The following LRP1B variants were observed in gnomAD, a reference collection of about 807,000 sequenced individuals.
LRP1B encodes the protein LDL receptor related protein 1B.
In LRP1B, 217 loss-of-function variants were observed where a neutral mutation model predicts 556.6. The ratio of observed to expected loss-of-function variants is 0.39; its 90% CI spans 0.35 to 0.44. The LOEUF (loss-of-function observed/expected upper bound fraction) is 0.44. Among genes scored for constraint, LRP1B ranks in the 20% least tolerant of loss-of-function variants. The pLI, the probability that LRP1B is intolerant of heterozygous loss-of-function variation, is 1.00. For missense variants in LRP1B, 5,053 were observed against 5,620.8 expected (o/e 0.90, Z 3.23); for synonymous variants, 2,047 against 1,865.8 (o/e 1.10, Z -2.50).
intron 1 of LRP1B, among the ~76,000 whole-genome samples, chr2:142,001,721 TA>T (rs1238719316): frequency 3.3e-5 from 5 of 152,232 alleles, no homozygotes; most frequent in African/African-American, 1.2e-4. Context: ...TGGTTTCCTA[TA>T]CTGCAGGCGT....
chr2:140,254,357 A>G (rs753527921), intron 86 of LRP1B, among the ~76,000 whole-genome samples: 2 of 152,152 alleles, frequency 1.3e-5, no homozygotes, highest in Non-Finnish European at 2.9e-5. Context: ...TTCTCTGAAA[A>G]TATTCAATTC....
chr2:140,537,614 G>A (rs207462477), intron 45 of LRP1B, among the ~76,000 whole-genome samples: 2 of 152,216 alleles, frequency 1.3e-5, no homozygotes, highest in African/African-American at 4.8e-5. Context: ...TCAGTGGGAT[G>A]AGGTGCAGGA....
intron 3 of LRP1B, among the ~76,000 whole-genome samples, chr2:141,346,416 G>T (rs1688260975): frequency 1.3e-5 from 2 of 152,194 alleles, no homozygotes; most frequent in Middle Eastern, 3.4e-3. Flanking sequence ...CCTCTCCTGG[G>T]CAGTGCAGGT....
chr2:141,197,376 A>C (rs1173683021), intron 6 of LRP1B, among the ~76,000 whole-genome samples: 1 of 152,064 alleles, frequency 6.6e-6, no homozygotes, highest in African/African-American at 2.4e-5. Context: ...CACTCACTTA[A>C]AGCAGGAAAA....
intron 25 of LRP1B, among the ~76,000 whole-genome samples, chr2:140,879,661 C>G (rs184666883): frequency 2.0e-5 from 3 of 151,912 alleles, no homozygotes; most frequent in African/African-American, 7.2e-5. Flanking sequence ...CTATTACTTT[C>G]TCTTTAGATG....
At chr2:140,931,549 T>C (rs1489638725) in intron 20 of LRP1B, among the ~76,000 whole-genome samples, 3 of 152,102 alleles carry the variant, frequency 2.0e-5, no homozygotes, top group Non-Finnish European at 2.9e-5. Flanking sequence ...AAAAGTTTAA[T>C]AGAAGGGAAT....
At chr2:140,629,115 G>A (rs547782809) in intron 41 of LRP1B, among the ~76,000 whole-genome samples, 287 of 152,012 alleles carry the variant, frequency 1.9e-3, no homozygotes, top group Non-Finnish European at 1.8e-3. Context: ...GTGCAGTGGC[G>A]CCATTTTGGC....
At chr2:141,494,209 G>A (rs1390042889) in intron 2 of LRP1B, among the ~76,000 whole-genome samples, 1 of 152,036 alleles carries the variant, frequency 6.6e-6, no homozygotes, top group Non-Finnish European at 1.5e-5. Flanking sequence ...AATACCATAT[G>A]GTACAAGGAT....
intron 11 of LRP1B, among the ~76,000 whole-genome samples, chr2:141,037,137 G>A (rs1386910440): frequency 1.3e-5 from 2 of 151,944 alleles, no homozygotes; most frequent in East Asian, 3.9e-4. Flanking sequence ...CTGACATGCA[G>A]GAAATATTGA....
At chr2:140,817,063 G>A (rs1333441883) in intron 31 of LRP1B, among the ~76,000 whole-genome samples, 3 of 152,102 alleles carry the variant, frequency 2.0e-5, no homozygotes, top group Non-Finnish European at 4.4e-5. Context: ...CAATACCCAT[G>A]AGAAAACAGT....
chr2:141,505,431 C>T (rs923361759), intron 2 of LRP1B, among the ~76,000 whole-genome samples: 1 of 152,060 alleles, frequency 6.6e-6, no homozygotes, highest in South Asian at 2.1e-4. Flanking sequence ...TATGTATACT[C>T]ACTTGTTATA....
In LRP1B at chr2:140,525,946, C is replaced by CT. The variant is rs1326962627; in HGVS notation, c.7923dup (p.Gly2642ArgfsTer6). On this transcript the variant is annotated frameshift_variant, in exon 49 of 91. Coordinates refer to ENST00000389484, the MANE Select transcript of LRP1B (RefSeq NM_018557.3). LOFTEE classifies it high-confidence loss of function. ...GAGGTAGAATTACATCTTATGAACC[C>CT]TGTGGTTTTCACTCCAAGCTTATAG... is the stretch of plus-strand genomic sequence containing the variant. 6.2e-7 allele frequency: 1 copy of CT among 1,612,176 alleles called. No homozygotes were observed. The highest frequency in any genetic ancestry group is 1.3e-5 in the African/African-American group (1 of 74,740).
At chr2:141,708,333 C>G (rs1295086798) in intron 2 of LRP1B, among the ~76,000 whole-genome samples, 1 of 152,006 alleles carries the variant, frequency 6.6e-6, no homozygotes, top group Non-Finnish European at 1.5e-5. Flanking sequence ...CTTCTGGATG[C>G]CAGACAGCAC....
chr2:141,394,351 A>T (rs1272444265), intron 3 of LRP1B, among the ~76,000 whole-genome samples: 2 of 152,248 alleles, frequency 1.3e-5, no homozygotes. Context: ...TGTTTTAAAT[A>T]AATTTTCTTT....
intron 6 of LRP1B, among the ~76,000 whole-genome samples, chr2:141,226,888 T>G (rs983525502): frequency 1.3e-5 from 2 of 152,148 alleles, no homozygotes; most frequent in Non-Finnish European, 2.9e-5. Context: ...TTCCACATAT[T>G]TAATCACTTT....
At position 140,867,778 on chromosome 2, in the gene LRP1B, C is replaced by T. The variant is rs754917530; in HGVS notation, c.4391G>A (p.Arg1464Gln). 9.3e-6 allele frequency: 15 copies of T among 1,605,458 alleles called. No homozygotes were observed. Among genetic ancestry groups the T allele is most frequent in the East Asian group, 9.0e-5 (4 of 44,588 alleles). The change falls in exon 27 of 91, where the codon CGA becomes CAA. Residue 1464 changes from arginine (R) to glutamine (Q), a missense_variant. Coordinates refer to ENST00000389484, the MANE Select transcript of LRP1B (RefSeq NM_018557.3). The stretch of plus-strand genomic sequence containing the variant: ...GGGATGGGAAAGGTATTCATGACCT[C>T]GGATGATTTCTATCATGTTTGTTCC... ...YDGTNMIEII[R>Q]GHEYLSHPFA...
chr2:140,373,265 T>A, intron 68 of LRP1B, 128 bp from the exon 69 acceptor site: 1 of 775,002 alleles, frequency 1.3e-6, no homozygotes, highest in East Asian at 2.7e-5. Context: ...TCACAACTTC[T>A]CTGTCAAAAA....
chr2:141,044,761 C>T (rs1377525495), intron 11 of LRP1B, among the ~76,000 whole-genome samples: 1 of 148,422 alleles, frequency 6.7e-6, no homozygotes, highest in Middle Eastern at 3.6e-3. Flanking sequence ...ATTAAAAAGT[C>T]AGGAAACAAC....
intron 2 of LRP1B, among the ~76,000 whole-genome samples, chr2:141,705,829 C>T (rs1453571071): frequency 6.6e-6 from 1 of 151,964 alleles, no homozygotes; most frequent in Non-Finnish European, 1.5e-5. Flanking sequence ...AAATATCCCT[C>T]ATATTTATGA....
Sources: allele counts gnomAD v4.1 joint callset (sites outside exome capture counted in the v4.1 genomes callset), GRCh38; gene constraint gnomAD v4.1.1; transcripts MANE v1.5; gene names NCBI Gene and HGNC (gene_info 2026-07-23, HGNC 2026-07-21).